CRK: variants seen among roughly 807,000 people sequenced by gnomAD.
The protein encoded by CRK is CRK proto-oncogene, adaptor protein, also known as adapter molecule crk.
A neutral mutation model predicts 29.8 loss-of-function variants in CRK; 4 were observed. The observed-to-expected ratio is 0.13, with a 90% CI of 0.07 to 0.31. CRK has a LOEUF of 0.31. Among genes scored for constraint, CRK ranks in the 10% least tolerant of loss-of-function variants. The pLI is 1.00. For synonymous variants in CRK, 153 were observed against 164.9 expected, an observed-to-expected ratio of 0.93 and a Z score of 0.55; for missense variants, 274 against 396.5, an observed-to-expected ratio of 0.69 and a Z score of 2.62.
chr17:1,450,176 G>C (rs1443202982), intron 1 of CRK, among the ~76,000 whole-genome samples: 1 of 152,144 alleles, frequency 6.6e-6, no homozygotes, highest in African/African-American at 2.4e-5. Flanking sequence ...CTGCACTCCA[G>C]CCTGGGCAAC....
intron 1 of CRK, among the ~76,000 whole-genome samples, chr17:1,454,288 C>A (rs577769075): frequency 2.0e-5 from 3 of 152,128 alleles, no homozygotes; most frequent in Non-Finnish European, 4.4e-5. Context: ...TGCCTGTAAT[C>A]CCAGCACTTT....
Position 1,423,358 on chromosome 17 carries a change from G to A in CRK, c.*155C>T. 4.4e-6 allele frequency: 4 copies of A among 911,300 alleles called. No individual in the cohort carries two copies. In the South Asian group the frequency reaches 5.5e-5, roughly 13 times the overall value. 56.5% of individuals were successfully genotyped at this position (911,300 alleles called of 1,614,324 possible). ...ACCCTGAATATGGTAATTAAGACTA[G>A]GAATGGAGCAGTTCAGTCTAAAAAA... On this transcript the variant is annotated 3_prime_UTR_variant, in exon 3 of 3. Transcript: ENST00000300574.
chr17:1,444,877 G>C (rs1385971509), intron 1 of CRK, among the ~76,000 whole-genome samples: 4 of 149,486 alleles, frequency 2.7e-5, no homozygotes, highest in Admixed American at 6.7e-5. Flanking sequence ...GGCCAGGCAC[G>C]ATGGCTCATG....
At chr17:1,452,299 A>C (rs562037154) in intron 1 of CRK, among the ~76,000 whole-genome samples, 1 of 152,312 alleles carries the variant, frequency 6.6e-6, no homozygotes, top group South Asian at 2.1e-4. Flanking sequence ...CAGTAAGTGA[A>C]ATAAGGTACA....
In CRK at chr17:1,456,153, C is replaced by G; in HGVS notation, c.-36G>C. 1.4e-6 allele frequency: 2 copies of G among 1,443,036 alleles called. No homozygotes were observed. The highest frequency in any genetic ancestry group is 1.8e-6 in the Non-Finnish European group (2 of 1,098,096). The allele number at this position is 1,443,036 out of a possible 1,614,324, so 89.4% of individuals were successfully genotyped here. ...GCGCCTAAACGCTGGGGTGCCGCCG[C>G]CGCGCGCGCCCCTCCGGCCCCCGGC... On this transcript the variant is annotated 5_prime_UTR_variant, in exon 1 of 3. Coordinates refer to ENST00000300574, the MANE Select transcript of CRK (RefSeq NM_016823.4).
intron 2 of CRK, among the ~76,000 whole-genome samples, chr17:1,430,388 G>T (rs538215196): frequency 7.2e-6 from 1 of 138,798 alleles, no homozygotes; most frequent in Admixed American, 7.3e-5. Flanking sequence ...ACAGAGTCTC[G>T]CTCTGTCGCC....
At chr17:1,449,914 C>T (rs1277396057) in intron 1 of CRK, among the ~76,000 whole-genome samples, 1 of 152,152 alleles carries the variant, frequency 6.6e-6, no homozygotes, top group Non-Finnish European at 1.5e-5. Context: ...AAAAATAATA[C>T]CCAGCTGCGC....
chr17:1,437,002 T>C lies in CRK; in HGVS notation c.395A>G (p.Glu132Gly). 6.2e-7 allele frequency: 1 copy of C among 1,614,132 alleles called. No homozygotes were observed. Among genetic ancestry groups the C allele is most frequent in the Non-Finnish European group, 8.5e-7 (1 of 1,180,016 alleles). ...RQGSGVILRQ[E>G]EAEYVRALFD... ...GAGGGCTCGCACATACTCCGCCTCC[T>C]CCTGCCTGAGAATCACTCCACTACC... The change falls in exon 2 of 3, where the codon GAG becomes GGG. Residue 132 changes from glutamate to glycine, a missense_variant. By Grantham distance (98) the Glu-to-Gly change is moderately conservative. Transcript: ENST00000300574.
chr17:1,447,456 G>C (rs1299821765), intron 1 of CRK, among the ~76,000 whole-genome samples: 1 of 152,030 alleles, frequency 6.6e-6, no homozygotes, highest in African/African-American at 2.4e-5. Flanking sequence ...TCAAGCCTCA[G>C]GTTACGACCA....
chr17:1,449,529 G>A (rs2074002270), intron 1 of CRK, among the ~76,000 whole-genome samples: 2 of 152,072 alleles, frequency 1.3e-5, no homozygotes, highest in South Asian at 2.1e-4. Flanking sequence ...ACTGAAGCAG[G>A]GAAAAGTTAA....
rs754259440 is a variant in CRK, at chr17:1,428,521, C to CTTTTT, written c.778-4876_778-4872dup. On this transcript the variant is annotated intron_variant, in intron 2 of 2. Coordinates refer to ENST00000300574, the MANE Select transcript of CRK (RefSeq NM_016823.4). ...ATTAGACCTTTGGACCATATCAGATCTTTTTTTTTTTTTTTTTTTTGAGAC... is the reference window on the plus strand; with the variant it reads ...ATTAGACCTTTGGACCATATCAGATCTTTTTTTTTTTTTTTTTTTTTTTTTGAGAC... Among the ~76,000 whole-genome samples the CTTTTT allele has an allele frequency of 3.5e-3, 387 of 111,166 alleles. 13 individuals are homozygous for CTTTTT. The highest frequency in any genetic ancestry group is 5.0e-3 in the African/African-American group (140 of 28,264). 72.9% of individuals were successfully genotyped at this position (111,166 alleles called of 152,430 possible). A position where few individuals can be genotyped will look rare whatever the true frequency, so the allele number is the denominator to read the frequency against.
chr17:1,451,824 C>CAA (rs1345056056), intron 1 of CRK, among the ~76,000 whole-genome samples: 1 of 146,620 alleles, frequency 6.8e-6, no homozygotes, highest in Non-Finnish European at 1.5e-5. Context: ...ACTAAAAATA[C>CAA]AAAAAAAAAA....
chr17:1,423,251 A>G lies in CRK; in HGVS notation c.*262T>C. ...CTGAGAGAAAGGAGGCAAGATACCT[A>G]TCCCTTCTGATACACACAGGCACGA... On this transcript the variant is annotated 3_prime_UTR_variant, in exon 3 of 3. Coordinates refer to ENST00000300574, the MANE Select transcript of CRK (RefSeq NM_016823.4). The G allele has an allele frequency of 1.9e-6, 1 of 532,298 alleles. No homozygotes were observed. Among genetic ancestry groups the G allele is most frequent in the Non-Finnish European group, 3.3e-6 (1 of 303,210 alleles). The allele number at this position is 532,298 out of a possible 1,614,324, so 33.0% of individuals were successfully genotyped here. A position where few individuals can be genotyped will look rare whatever the true frequency, so the allele number is the denominator to read the frequency against.
At chr17:1,435,296 C>T (rs2073878335) in intron 2 of CRK, among the ~76,000 whole-genome samples, 1 of 152,104 alleles carries the variant, frequency 6.6e-6, no homozygotes, top group South Asian at 2.1e-4. Context: ...AAGTGATCTG[C>T]CCACCTCGGC....
intron 2 of CRK, among the ~76,000 whole-genome samples, chr17:1,432,476 T>TAAAAAAA (rs59669841): frequency 5.9e-5 from 6 of 100,960 alleles, no homozygotes; most frequent in African/African-American, 2.5e-4. Context: ...GACCTTGTCT[T>TAAAAAAA]AAAAAAAAAA....
intron 1 of CRK, among the ~76,000 whole-genome samples, chr17:1,445,184 A>G (rs2073966075): frequency 1.3e-5 from 2 of 152,128 alleles, no homozygotes; most frequent in South Asian, 2.1e-4. Context: ...GGAGAGAGGT[A>G]ATAAGACACA....
chr17:1,441,616 C>T (rs527951853), intron 1 of CRK, among the ~76,000 whole-genome samples: 69 of 151,854 alleles, frequency 4.5e-4, no homozygotes, highest in South Asian at 8.3e-4. Context: ...CTCAGCCTCC[C>T]GAGTAGCTGG....
At chr17:1,439,262 A>T (rs2073915850) in intron 1 of CRK, among the ~76,000 whole-genome samples, 1 of 151,724 alleles carries the variant, frequency 6.6e-6, no homozygotes, top group South Asian at 2.1e-4. Flanking sequence ...TGCCTGGCTA[A>T]TTTTTTTTGT....
At chr17:1,452,209 A>G (rs1396589352) in intron 1 of CRK, among the ~76,000 whole-genome samples, 14 of 152,170 alleles carry the variant, frequency 9.2e-5, no homozygotes, top group Non-Finnish European at 1.0e-4. Flanking sequence ...TACTGAATCT[A>G]TGAGTGTTTC....
Sources: gnomAD v4.1 joint callset for allele counts (sites outside exome capture counted in the v4.1 genomes callset) on GRCh38, gnomAD v4.1.1 for gene constraint, MANE v1.5 for transcripts, NCBI Gene and HGNC (gene_info 2026-07-23, HGNC 2026-07-21) for gene names.